Variants in ZNF518A observed in about 807,000 individuals in gnomAD.
ZNF518A encodes the protein zinc finger protein 518.
In ZNF518A, 47 loss-of-function variants were observed where a neutral mutation model predicts 102.7. The observed-to-expected ratio is 0.46, with a 90% CI of 0.36 to 0.58. The LOEUF is 0.58. Among genes scored for constraint, ZNF518A ranks in the 20% least tolerant of loss-of-function variants. The pLI is 0.00. For missense variants in ZNF518A, 1,793 were observed against 1,699.8 expected (o/e 1.05, Z -0.96); for synonymous variants, 652 against 594.6 (o/e 1.10, Z -1.40).
At chr10:96,164,368 C>T, downstream of ZNF518A, among the ~76,000 whole-genome samples, 1 of 152,218 alleles carries the variant, frequency 6.6e-6, no homozygotes, top group East Asian at 1.9e-4. Flanking sequence ...TCTCAGCATA[C>T]TACCTTGACC....
chr10:96,162,414 C>T lies in ZNF518A; in HGVS notation c.*1640C>T, dbSNP rs2083033779. The stretch of plus-strand genomic sequence containing the variant: ...CCTAAAAAAGATGTGAAACAGTTTA[C>T]ATATGTCAACTGTAACAGTAGGTCC... On this transcript the variant is annotated 3_prime_UTR_variant, in exon 6 of 6. Coordinates refer to ENST00000316045, the MANE Select transcript of ZNF518A (RefSeq NM_001330736.2). 6.0e-6 allele frequency: 1 copy of T among 166,932 alleles called. No homozygotes were observed. The highest frequency in any genetic ancestry group is 6.5e-5 in the Admixed American group (1 of 15,270). The allele number at this position is 166,932 out of a possible 1,614,324, so 10.3% of individuals were successfully genotyped here. A position where few individuals can be genotyped will look rare whatever the true frequency, so the allele number is the denominator to read the frequency against.
chr10:96,205,280 A>C (rs1591304854), downstream of ZNF518A: 1 of 153,728 alleles, frequency 6.5e-6, no homozygotes, highest in Non-Finnish European at 1.4e-5. Context: ...ATGTGATCAC[A>C]CATTATTTTA....
chr10:96,183,429 C>T lies in ZNF518A; in HGVS notation n.36-20145C>T, dbSNP rs1246215802. Among the ~76,000 whole-genome samples, 5 of 152,248 alleles carry T rather than the reference C, an allele frequency of 3.3e-5. No individual in the cohort carries two copies. In the East Asian group the frequency reaches 7.7e-4, roughly 23 times the overall value. ...TTAGGGTGTCAATTTTAGATCTTTC[C>T]TGCTTTCTCTTGTGGGCATTTAGTG... is the stretch of plus-strand genomic sequence containing the variant. On this transcript the variant is annotated intron_variant and non_coding_transcript_variant, in intron 1 of 2. Transcript: ENST00000442635.
chr10:96,160,863 T>A lies in ZNF518A; in HGVS notation c.*89T>A. The A allele has an allele frequency of 7.6e-7, 1 of 1,317,354 alleles. No individual in the cohort carries two copies. Among genetic ancestry groups the A allele is most frequent in the Middle Eastern group, 1.9e-4 (1 of 5,220 alleles). The allele number at this position is 1,317,354 out of a possible 1,614,324, so 81.6% of individuals were successfully genotyped here. On this transcript the variant is annotated 3_prime_UTR_variant, in exon 6 of 6. Coordinates refer to ENST00000316045, the MANE Select transcript of ZNF518A (RefSeq NM_001330736.2). ...TACCATAATGCAGACATTTTCTACT[T>A]CAGTATAGTACCTGAAATCGAACAT...
In ZNF518A at chr10:96,160,471, T is replaced by C. The variant is rs782665438; in HGVS notation, c.4149T>C (p.Thr1383=). 1 of 1,613,330 alleles carries C rather than the reference T, an allele frequency of 6.2e-7. No individual in the cohort carries two copies. The highest frequency in any genetic ancestry group is 8.5e-7 in the Non-Finnish European group (1 of 1,179,558). The change falls in exon 6 of 6, where the codon ACT becomes ACC. Residue 1383 remains threonine, a synonymous_variant. Transcript: ENST00000316045. ...TTAAGGTTTCATTGTCAAAAAGAAC[T>C]ATAAATGCTTTACTGAAACCAGTTT... ...HVLKVSLSKR[T]INALLKPVCY...
intron 5 of ZNF518A, 73 bp from the exon 6 acceptor site, chr10:96,156,124 C>T (rs2082683386): frequency 2.6e-6 from 1 of 391,596 alleles, no homozygotes; most frequent in Non-Finnish European, 4.4e-6. Context: ...CTACTTTGTG[C>T]CAAAATGAAC....
In ZNF518A at chr10:96,157,467, A is replaced by G. The variant is rs2082750039; in HGVS notation, c.1145A>G (p.Asn382Ser). ...GATGAAAGACTACACTGTGAGAATA[A>G]TGATAAAGCCCCTGAATCAGAGTCA... ...EKDERLHCENNDKAPESESEK... is the reference protein window; with the variant it reads ...EKDERLHCENSDKAPESESEK... The change falls in exon 6 of 6, where the codon AAT (asparagine) becomes AGT (serine). Residue 382 changes from asparagine to serine, a missense_variant. Physicochemically the swap from Asn to Ser is conservative, Grantham distance 46. Coordinates refer to ENST00000316045, the MANE Select transcript of ZNF518A (RefSeq NM_001330736.2). 8 of 1,613,616 alleles carry G rather than the reference A, an allele frequency of 5.0e-6. No individual in the cohort carries two copies. Among genetic ancestry groups the G allele is most frequent in the African/African-American group, 2.7e-5 (2 of 74,904 alleles).
At chr10:96,129,929 T>G (rs1470171010), upstream of ZNF518A, 1 of 152,656 alleles carries the variant, frequency 6.6e-6, no homozygotes, top group Admixed American at 6.5e-5. Flanking sequence ...CCCAGCTCCA[T>G]GGCCTAGTCT....
chr10:96,166,543 C>T (rs782241713), downstream of ZNF518A, among the ~76,000 whole-genome samples: 19 of 152,006 alleles, frequency 1.2e-4, no homozygotes, highest in African/African-American at 3.1e-4. Context: ...CCGAGACGGG[C>T]GGATCACAAG....
downstream of ZNF518A, among the ~76,000 whole-genome samples, chr10:96,168,693 G>A (rs2083157167): frequency 6.6e-6 from 1 of 151,924 alleles, no homozygotes; most frequent in Non-Finnish European, 1.5e-5. Flanking sequence ...TTGCCATCTG[G>A]CCTCCGTGAT....
In ZNF518A at chr10:96,158,098, T is replaced by C. The variant is rs1554884201; in HGVS notation, c.1776T>C (p.Gly592=). ...HLTQSHPEVL[G]TTIKSPDKVN... is the part of the protein sequence containing the mutation. ...CTCAGAGTCACCCCGAGGTATTAGG[T>C]ACCACCATTAAAAGTCCAGATAAAG... Residue 592 remains glycine, a synonymous_variant, in exon 6 of 6, where the codon GGT becomes GGC. Transcript: ENST00000316045. 1.2e-6 allele frequency: 2 copies of C among 1,613,582 alleles called. No individual in the cohort carries two copies. Among genetic ancestry groups the C allele is most frequent in the African/African-American group, 2.7e-5 (2 of 75,022 alleles).
chr10:96,156,247 A>G lies in ZNF518A; in HGVS notation c.-76A>G. The stretch of plus-strand genomic sequence containing the variant: ...TATATTGAAGATGTCTCTACACAGT[A>G]TCGTTTCCTGTTTAAATTACAGATA... On this transcript the variant is annotated 5_prime_UTR_variant, in exon 6 of 6. Transcript: ENST00000316045. The G allele has an allele frequency of 1.4e-6, 2 of 1,434,690 alleles. No individual in the cohort carries two copies. Among genetic ancestry groups the G allele is most frequent in the Non-Finnish European group, 9.3e-7 (1 of 1,071,154 alleles). The allele number at this position is 1,434,690 out of a possible 1,614,324, so 88.9% of individuals were successfully genotyped here. A position where few individuals can be genotyped will look rare whatever the true frequency, so the allele number is the denominator to read the frequency against.
At chr10:96,134,226 GTT>G (rs1554873510) in intron 3 of ZNF518A, among the ~76,000 whole-genome samples, 1 of 152,006 alleles carries the variant, frequency 6.6e-6, no homozygotes, top group African/African-American at 2.4e-5. Context: ...AAGCTTTTTT[GTT>G]TTGTTTTGTT....
intron 3 of ZNF518A, among the ~76,000 whole-genome samples, chr10:96,141,261 A>G (rs376096261): frequency 6.6e-6 from 1 of 152,188 alleles, no homozygotes; most frequent in South Asian, 2.1e-4. Context: ...GTATAAAGCA[A>G]TTTGTAATAA....
intron 1 of ZNF518A, chr10:96,190,072 C>T: frequency 2.4e-6 from 2 of 842,110 alleles, no homozygotes; most frequent in Non-Finnish European, 4.1e-6. Context: ...TGCACCAGCC[C>T]CTAAACTGAC....
chr10:96,166,289 A>C (rs1391964741), downstream of ZNF518A, among the ~76,000 whole-genome samples: 2 of 152,210 alleles, frequency 1.3e-5, no homozygotes, highest in Non-Finnish European at 2.9e-5. Context: ...ACATTCAGAA[A>C]TAATGTTTTA....
At chr10:96,183,015 A>C (rs782318698) in intron 1 of ZNF518A, among the ~76,000 whole-genome samples, 7 of 152,146 alleles carry the variant, frequency 4.6e-5, no homozygotes, top group Non-Finnish European at 1.0e-4. Context: ...TTATTTGTCT[A>C]TTCAGGGATT....
At chr10:96,168,662 C>T (rs587725426), downstream of ZNF518A, among the ~76,000 whole-genome samples, 1 of 152,258 alleles carries the variant, frequency 6.6e-6, no homozygotes, top group South Asian at 2.1e-4. Flanking sequence ...TTCCATTCAA[C>T]ACTTCTAATA....
chr10:96,148,355 G>T (rs1331244231), intron 3 of ZNF518A, among the ~76,000 whole-genome samples: 1 of 152,190 alleles, frequency 6.6e-6, no homozygotes, highest in African/African-American at 2.4e-5. Context: ...CAGGAGAATC[G>T]CTTGAACCTG....
Sources: allele counts gnomAD v4.1 joint callset (sites outside exome capture counted in the v4.1 genomes callset), GRCh38; gene constraint gnomAD v4.1.1; transcripts MANE v1.5; gene names NCBI Gene and HGNC (gene_info 2026-07-23, HGNC 2026-07-21).